Variants in CEP112 observed in about 807,000 individuals in gnomAD.
CEP112 encodes centrosomal protein 112.
In CEP112, 127 loss-of-function variants were observed where a neutral mutation model predicts 153.0. The observed-to-expected ratio is 0.83, with a 90% CI of 0.72 to 0.96. The LOEUF (loss-of-function observed/expected upper bound fraction) is 0.96, where lower values mean the gene tolerates loss of function less well. CEP112 is among the 40% of genes least tolerant of loss of function. The pLI, the probability that CEP112 is intolerant of heterozygous loss-of-function variation, is 0.00. For synonymous variants in CEP112, 358 were observed against 374.4 expected (o/e 0.96, Z 0.51); for missense variants, 1,089 against 1,101.2 (o/e 0.99, Z 0.16).
At chr17:65,992,571 A>C (rs2063632544) in intron 17 of CEP112, among the ~76,000 whole-genome samples, 1 of 152,058 alleles carries the variant, frequency 6.6e-6, no homozygotes, top group South Asian at 2.1e-4. Flanking sequence ...ATAGTCTAAA[A>C]TTTCTGCTTA....
intron 6 of CEP112, among the ~76,000 whole-genome samples, chr17:66,108,922 A>C (rs1394701695): frequency 6.6e-6 from 1 of 152,234 alleles, no homozygotes; most frequent in East Asian, 1.9e-4. Context: ...GTAATGCAGT[A>C]CTATTCAGCC....
intron 21 of CEP112, among the ~76,000 whole-genome samples, chr17:65,810,317 A>G (rs1293428782): frequency 2.6e-5 from 4 of 151,880 alleles, no homozygotes; most frequent in African/African-American, 7.3e-5. Flanking sequence ...CACATTTCCT[A>G]GCCCCCTGCA....
At chr17:66,109,092 T>C (rs920831981) in intron 6 of CEP112, among the ~76,000 whole-genome samples, 1 of 151,976 alleles carries the variant, frequency 6.6e-6, no homozygotes, top group South Asian at 2.1e-4. Flanking sequence ...AGATCGACAG[T>C]AGGATGATGG....
chr17:65,653,491 T>C (rs974856873), intron 24 of CEP112, among the ~76,000 whole-genome samples: 7 of 152,052 alleles, frequency 4.6e-5, no homozygotes, highest in African/African-American at 1.4e-4. Context: ...AGAGGTGACT[T>C]TGGAGCATGG....
At chr17:65,881,585 T>C (rs2287242) in intron 20 of CEP112, among the ~76,000 whole-genome samples, 7,524 of 152,258 alleles carry the variant, frequency 0.049, 299 homozygotes, top group African/African-American at 0.099. Context: ...GTCAATTAAC[T>C]ATCCTCAATT....
intron 23 of CEP112, among the ~76,000 whole-genome samples, chr17:65,722,856 A>G (rs962599659): frequency 1.3e-5 from 2 of 152,242 alleles, no homozygotes; most frequent in African/African-American, 4.8e-5. Context: ...TGATATTTGA[A>G]GTGATCGGAG....
chr17:66,057,219 G>C (rs377196203), intron 11 of CEP112, among the ~76,000 whole-genome samples: 5 of 152,318 alleles, frequency 3.3e-5, no homozygotes, highest in Admixed American at 6.5e-5. Context: ...CTAGGCAAGA[G>C]ACAGGGGTCT....
At chr17:65,651,163 C>T (rs1598198598) in intron 24 of CEP112, among the ~76,000 whole-genome samples, 1 of 152,150 alleles carries the variant, frequency 6.6e-6, no homozygotes, top group Non-Finnish European at 1.5e-5. Context: ...AGCTTAGCTC[C>T]CACTTACGAG....
At chr17:65,778,997 CT>C (rs2053848287) in intron 21 of CEP112, among the ~76,000 whole-genome samples, 1 of 129,888 alleles carries the variant, frequency 7.7e-6, no homozygotes, top group Non-Finnish European at 1.8e-5. Flanking sequence ...AAGACCTTAT[CT>C]CTTTAAAAAA....
chr17:66,167,417 GTAGTACTAACCCCGAAGT>G (rs2072023873), intron 4 of CEP112, among the ~76,000 whole-genome samples: 1 of 151,304 alleles, frequency 6.6e-6, no homozygotes, highest in East Asian at 2.0e-4. Flanking sequence ...GGAGATAGTG[GTAGTACTAACCCCGAAGT>G]TAGTACTACC....
At chr17:65,810,273 A>AC (rs2055869096) in intron 21 of CEP112, among the ~76,000 whole-genome samples, 1 of 151,694 alleles carries the variant, frequency 6.6e-6, no homozygotes. Context: ...TTGAATATAT[A>AC]CCCCCCTCCC....
chr17:66,055,053 TG>T (rs2066623141), intron 11 of CEP112, among the ~76,000 whole-genome samples: 1 of 152,104 alleles, frequency 6.6e-6, no homozygotes, highest in Non-Finnish European at 1.5e-5. Context: ...CCACCGTGCC[TG>T]GCCCCAAATA....
intron 17 of CEP112, among the ~76,000 whole-genome samples, chr17:65,966,325 T>A (rs566139216): frequency 6.6e-6 from 1 of 152,174 alleles, no homozygotes; most frequent in East Asian, 1.9e-4. Context: ...GGATGACAGT[T>A]TAGTATTTTT....
chr17:66,163,252 C>T (rs1030732874), intron 4 of CEP112, among the ~76,000 whole-genome samples: 1 of 152,010 alleles, frequency 6.6e-6, no homozygotes, highest in African/African-American at 2.4e-5. Flanking sequence ...TGCATGCATG[C>T]TATGTTTCAC....
intron 4 of CEP112, among the ~76,000 whole-genome samples, chr17:66,144,511 C>G (rs951070962): frequency 6.6e-6 from 1 of 152,046 alleles, no homozygotes; most frequent in Non-Finnish European, 1.5e-5. Flanking sequence ...TGGCCATCAT[C>G]ATGAAACCCC....
At chr17:66,014,800 ACT>A (rs2064701984) in intron 16 of CEP112, among the ~76,000 whole-genome samples, 2 of 151,610 alleles carry the variant, frequency 1.3e-5, no homozygotes, top group South Asian at 4.2e-4. Context: ...CCCTCTGTCC[ACT>A]CTCAGTAACT....
At chr17:66,184,136 A>C (rs781587156) in intron 1 of CEP112, among the ~76,000 whole-genome samples, 1 of 152,126 alleles carries the variant, frequency 6.6e-6, no homozygotes, top group Non-Finnish European at 1.5e-5. Context: ...ACGTACCTGT[A>C]GTCCCAGCTA....
At chr17:65,660,247 TTTCTTTC>T (rs1443737553) in intron 24 of CEP112, among the ~76,000 whole-genome samples, 6 of 105,520 alleles carry the variant, frequency 5.7e-5, no homozygotes, top group Non-Finnish European at 1.2e-4. Context: ...TCTTTTTTGT[TTTCTTTC>T]TTTTTTCTTT....
At chr17:65,756,528 T>C (rs979420760) in intron 21 of CEP112, among the ~76,000 whole-genome samples, 16 of 148,796 alleles carry the variant, frequency 1.1e-4, no homozygotes, top group African/African-American at 4.0e-4. Flanking sequence ...CCATAGAAAG[T>C]GAGGCCTGAG....
Sources: gnomAD v4.1 joint callset for allele counts (sites outside exome capture counted in the v4.1 genomes callset) on GRCh38, gnomAD v4.1.1 for gene constraint, MANE v1.5 for transcripts, NCBI Gene and HGNC (gene_info 2026-07-23, HGNC 2026-07-21) for gene names.